RAP1A: variants seen among roughly 807,000 people sequenced by gnomAD.
The protein encoded by RAP1A is ras-related protein Rap-1A.
RAP1A carries 6 observed loss-of-function variants against 26.4 expected under a neutral mutation model. The ratio of observed to expected loss-of-function variants is 0.23; its 90% CI spans 0.12 to 0.45. The LOEUF (loss-of-function observed/expected upper bound fraction) is 0.45. Ranked by LOEUF, RAP1A falls within the 20% of genes least tolerant of loss-of-function variation. The probability of loss-of-function intolerance (pLI) is 0.99; values close to 1 mark genes in which losing one functional copy is unlikely to be tolerated. For missense variants in RAP1A, 121 were observed against 217.2 expected (o/e 0.56, Z 2.78); for synonymous variants, 73 against 79.4 (o/e 0.92, Z 0.43).
In RAP1A at chr1:111,697,291, T is replaced by A; in HGVS notation, c.127-150T>A. ...TACTTGAGACCGCTGTTCTTTATTGTGGTACCAAGTTTACCCCCAGCCATT... is the reference window on the plus strand; with the variant it reads ...TACTTGAGACCGCTGTTCTTTATTGAGGTACCAAGTTTACCCCCAGCCATT... On this transcript the variant is annotated intron_variant, in intron 3 of 7. Coordinates refer to ENST00000369709, the MANE Select transcript of RAP1A (RefSeq NM_002884.4). 10 of 1,470,454 alleles carry A rather than the reference T, an allele frequency of 6.8e-6. No individual in the cohort carries two copies. In the Middle Eastern group the frequency reaches 1.2e-3, roughly 176 times the overall value. The allele number at this position is 1,470,454 out of a possible 1,614,324, so 91.1% of individuals were successfully genotyped here. A position where few individuals can be genotyped will look rare whatever the true frequency, so the allele number is the denominator to read the frequency against.
chr1:111,622,375 C>A (rs1002773240), intron 1 of RAP1A, among the ~76,000 whole-genome samples: 1 of 151,824 alleles, frequency 6.6e-6, no homozygotes. Flanking sequence ...TTACTGTACT[C>A]CAGCCACACT....
intron 1 of RAP1A, among the ~76,000 whole-genome samples, chr1:111,639,027 T>A (rs1046461080): frequency 6.6e-6 from 1 of 152,216 alleles, no homozygotes; most frequent in African/African-American, 2.4e-5. Flanking sequence ...CTGGGAATAC[T>A]TGGAACCATA....
intron 1 of RAP1A, among the ~76,000 whole-genome samples, chr1:111,651,470 A>G (rs947100914): frequency 2.8e-5 from 4 of 141,514 alleles, no homozygotes; most frequent in Non-Finnish European, 6.1e-5. Flanking sequence ...AGATATATAT[A>G]TAATTTTTTT....
intron 6 of RAP1A, among the ~76,000 whole-genome samples, chr1:111,708,492 A>T (rs1662270459): frequency 1.3e-5 from 2 of 152,234 alleles, no homozygotes; most frequent in East Asian, 3.8e-4. Context: ...GATTTTTAAA[A>T]ACTAAAGTGA....
chr1:111,605,551 A>G lies in RAP1A; in HGVS notation c.-28+63042A>G, dbSNP rs116491348. On this transcript the variant is annotated intron_variant, in intron 1 of 7. Coordinates refer to the RAP1A transcript ENST00000356415. ...GTATGGAAGAAGCAGCAGTAGCCTG[A>G]CCTTCTCAACTGCTTGGAATTCATG... 5.4e-3 allele frequency among the ~76,000 whole-genome samples: 821 copies of G among 152,336 alleles called. 7 individuals carry two copies. Among genetic ancestry groups the G allele is most frequent in the African/African-American group, 0.018 (769 of 41,574 alleles).
chr1:111,610,861 T>C (rs1292810840), intron 1 of RAP1A, among the ~76,000 whole-genome samples: 1 of 152,250 alleles, frequency 6.6e-6, no homozygotes. Flanking sequence ...GTCCCTCATA[T>C]TATCTCATTT....
At chr1:111,608,936 T>C (rs930647860) in intron 1 of RAP1A, among the ~76,000 whole-genome samples, 2 of 152,234 alleles carry the variant, frequency 1.3e-5, no homozygotes, top group East Asian at 1.9e-4. Flanking sequence ...ACTGCTGAGT[T>C]CTGCTGAGCT....
intron 1 of RAP1A, among the ~76,000 whole-genome samples, chr1:111,611,083 T>C (rs1253224033): frequency 6.6e-6 from 1 of 152,234 alleles, no homozygotes; most frequent in Non-Finnish European, 1.5e-5. Context: ...TTAAATGATC[T>C]ACACAGAGTG....
intron 1 of RAP1A, among the ~76,000 whole-genome samples, chr1:111,602,590 A>G (rs1267076959): frequency 6.6e-6 from 1 of 152,180 alleles, no homozygotes; most frequent in Non-Finnish European, 1.5e-5. Context: ...GCAAGAGATC[A>G]TGAAGATGAT....
intron 1 of RAP1A, among the ~76,000 whole-genome samples, chr1:111,553,685 A>C (rs572656600): frequency 2.1e-4 from 32 of 152,316 alleles, no homozygotes; most frequent in African/African-American, 7.2e-4. Context: ...TTCATAGACC[A>C]GTATTTTCAC....
chr1:111,705,833 A>C (rs1323440605), intron 6 of RAP1A, among the ~76,000 whole-genome samples: 3 of 152,224 alleles, frequency 2.0e-5, no homozygotes, highest in Non-Finnish European at 4.4e-5. Flanking sequence ...ACTATCTACA[A>C]GATAATTGGC....
chr1:111,659,375 T>C (rs902545871), intron 1 of RAP1A, among the ~76,000 whole-genome samples: 72 of 152,206 alleles, frequency 4.7e-4, no homozygotes, highest in Non-Finnish European at 4.4e-5. Flanking sequence ...ATTTTTCAGA[T>C]ACCTGTTGAC....
At chr1:111,654,629 A>C (rs758688135) in intron 1 of RAP1A, among the ~76,000 whole-genome samples, 1 of 152,080 alleles carries the variant, frequency 6.6e-6, no homozygotes, top group East Asian at 1.9e-4. Context: ...AAATTCTTAG[A>C]AACATGCTTG....
rs1432710299 is a variant in RAP1A, at chr1:111,577,825, C to T, written c.-28+35316C>T. On this transcript the variant is annotated intron_variant, in intron 1 of 7. Coordinates refer to the RAP1A transcript ENST00000356415. ...TCTTCCCATGAAGTAATGTCAGGCT[C>T]TATAAAGGCAGTTGGGGCTGTGGGC... Among the ~76,000 whole-genome samples the T allele has an allele frequency of 3.4e-4, 51 of 152,184 alleles. 1 individual carries two copies. Among genetic ancestry groups the T allele is most frequent in the Admixed American group, 3.3e-3 (51 of 15,276 alleles).
intron 1 of RAP1A, among the ~76,000 whole-genome samples, chr1:111,657,163 T>G (rs2101149445): frequency 6.6e-6 from 1 of 152,280 alleles, no homozygotes; most frequent in Non-Finnish European, 1.5e-5. Flanking sequence ...AAAATCCATA[T>G]CCATAATCCA....
At chr1:111,617,749 A>G (rs1466339335), upstream of RAP1A, among the ~76,000 whole-genome samples, 1 of 150,306 alleles carries the variant, frequency 6.7e-6, no homozygotes, top group African/African-American at 2.4e-5. Flanking sequence ...TTACCTCTCT[A>G]AAGAATCATT....
rs1189409844 is a variant in RAP1A, at chr1:111,704,497, A to G, written c.468+11A>G. The stretch of plus-strand genomic sequence containing the variant: ...ATCAATGTTAATGAGGTAACCTACA[A>G]CTGCTGGGCAGCACAAACAAGTGCC... On this transcript the variant is annotated intron_variant, in intron 6 of 7. Coordinates refer to ENST00000369709, the MANE Select transcript of RAP1A (RefSeq NM_002884.4). The G allele has an allele frequency of 2.5e-6, 4 of 1,600,508 alleles. No individual in the cohort carries two copies. Among genetic ancestry groups the G allele is most frequent in the South Asian group, 1.1e-5 (1 of 88,864 alleles).
At chr1:111,688,299 G>GTGTA (rs149961847) in intron 1 of RAP1A, among the ~76,000 whole-genome samples, 2,979 of 140,654 alleles carry the variant, frequency 0.021, 38 homozygotes, top group South Asian at 0.041. Flanking sequence ...GTGTGTGTGT[G>GTGTA]TATATATATT....
At chr1:111,639,525 A>G (rs1403701614) in intron 1 of RAP1A, among the ~76,000 whole-genome samples, 1 of 151,294 alleles carries the variant, frequency 6.6e-6, no homozygotes, top group Non-Finnish European at 1.5e-5. Flanking sequence ...TTAAATGTTG[A>G]TTCTGATACT....
Sources: gnomAD v4.1 joint callset for allele counts (sites outside exome capture counted in the v4.1 genomes callset) on GRCh38, gnomAD v4.1.1 for gene constraint, MANE v1.5 for transcripts, NCBI Gene and HGNC (gene_info 2026-07-23, HGNC 2026-07-21) for gene names.